The following EFNA5 variants were observed in gnomAD, a reference collection of about 807,000 sequenced individuals.
The protein encoded by EFNA5 is ephrin-A5.
Under a neutral mutation model 22.9 loss-of-function variants are expected in EFNA5, and 5 were observed. That is an observed-to-expected ratio of 0.22 (90% CI 0.11 to 0.46). The LOEUF is 0.46. Among genes scored for constraint, EFNA5 ranks in the 20% least tolerant of loss-of-function variants. The probability of loss-of-function intolerance (pLI) is 0.99; values close to 1 mark genes in which losing one functional copy is unlikely to be tolerated. For missense variants in EFNA5, 237 were observed against 293.3 expected, an observed-to-expected ratio of 0.81 and a Z score of 1.40; for synonymous variants, 113 against 112.2, an observed-to-expected ratio of 1.01 and a Z score of -0.04.
At chr5:107,429,842 A>G (rs552790700) in intron 1 of EFNA5, among the ~76,000 whole-genome samples, 16 of 152,378 alleles carry the variant, frequency 1.1e-4, no homozygotes, top group South Asian at 4.1e-4. Flanking sequence ...AACATACAAC[A>G]GAGATAAAAA....
intron 1 of EFNA5, among the ~76,000 whole-genome samples, chr5:107,655,997 A>G (rs1750813542): frequency 6.6e-6 from 1 of 152,166 alleles, no homozygotes; most frequent in Admixed American, 6.5e-5. Flanking sequence ...ATTCAGAAAA[A>G]TCCAAGGATC....
At chr5:107,419,199 C>T (rs569585144) in intron 2 of EFNA5, among the ~76,000 whole-genome samples, 1 of 152,304 alleles carries the variant, frequency 6.6e-6, no homozygotes, top group East Asian at 1.9e-4. Flanking sequence ...TTACAATTAA[C>T]AGAATAATTT....
At chr5:107,475,809 A>G (rs930916417) in intron 1 of EFNA5, among the ~76,000 whole-genome samples, 4 of 151,790 alleles carry the variant, frequency 2.6e-5, no homozygotes, top group East Asian at 2.0e-4. Flanking sequence ...ACCTGAGATG[A>G]CATGACTTCA....
intron 1 of EFNA5, among the ~76,000 whole-genome samples, chr5:107,535,881 A>G (rs1160970437): frequency 6.6e-6 from 1 of 152,212 alleles, no homozygotes; most frequent in Non-Finnish European, 1.5e-5. Flanking sequence ...TTTGTTTTAT[A>G]AATAGCCAGA....
intron 1 of EFNA5, among the ~76,000 whole-genome samples, chr5:107,548,288 T>C (rs1345145064): frequency 1.3e-5 from 2 of 152,184 alleles, no homozygotes; most frequent in East Asian, 3.8e-4. Flanking sequence ...CCAACATAAA[T>C]TTTATTAAAC....
intron 1 of EFNA5, among the ~76,000 whole-genome samples, chr5:107,633,044 T>C (rs1561455048): frequency 6.6e-6 from 1 of 152,204 alleles, no homozygotes; most frequent in Non-Finnish European, 1.5e-5. Flanking sequence ...TGCTTTCCAA[T>C]AAATGACACA....
At chr5:107,620,629 C>G (rs1750014240) in intron 1 of EFNA5, among the ~76,000 whole-genome samples, 1 of 152,024 alleles carries the variant, frequency 6.6e-6, no homozygotes, top group African/African-American at 2.4e-5. Flanking sequence ...CAATGTATTC[C>G]AAGAGTTAAT....
At chr5:107,405,848 A>G (rs1033181226) in intron 2 of EFNA5, among the ~76,000 whole-genome samples, 3 of 150,722 alleles carry the variant, frequency 2.0e-5, no homozygotes, top group Non-Finnish European at 3.0e-5. Flanking sequence ...CTATGTATTT[A>G]TATACATAGA....
chr5:107,566,527 T>G (rs906209833), intron 1 of EFNA5, among the ~76,000 whole-genome samples: 1 of 152,234 alleles, frequency 6.6e-6, no homozygotes, highest in East Asian at 1.9e-4. Flanking sequence ...AGCCATCATT[T>G]CCAATGCTTT....
chr5:107,465,768 G>C (rs1421400455), intron 1 of EFNA5, among the ~76,000 whole-genome samples: 1 of 152,006 alleles, frequency 6.6e-6, no homozygotes, highest in African/African-American at 2.4e-5. Context: ...CTGCCATGGT[G>C]TCTTAGTATA....
chr5:107,519,768 T>C (rs1212090840), intron 1 of EFNA5, among the ~76,000 whole-genome samples: 3 of 152,242 alleles, frequency 2.0e-5, no homozygotes, highest in Non-Finnish European at 4.4e-5. Context: ...TTTGAATATT[T>C]TTACTTTAAA....
At chr5:107,554,790 G>C (rs1032731715) in intron 1 of EFNA5, among the ~76,000 whole-genome samples, 2 of 152,136 alleles carry the variant, frequency 1.3e-5, no homozygotes, top group Non-Finnish European at 2.9e-5. Context: ...GGAAAACCGA[G>C]TCTTAAAAAG....
In EFNA5 at chr5:107,473,000, C is replaced by A. The variant is rs562262698; in HGVS notation, c.126-45491G>T. Among the ~76,000 whole-genome samples, 12 of 152,294 alleles carry A rather than the reference C, an allele frequency of 7.9e-5. No individual in the cohort carries two copies. In the East Asian group the frequency reaches 2.1e-3, roughly 27 times the overall value. On this transcript the variant is annotated intron_variant, in intron 1 of 4. Transcript: ENST00000333274. ...AATGGAGCCCCCAGTCTCCCTCCCCCCAGCACCTGCTTGAACTCTTCATTC... is the reference window on the plus strand; with the variant it reads ...AATGGAGCCCCCAGTCTCCCTCCCCACAGCACCTGCTTGAACTCTTCATTC...
intron 1 of EFNA5, among the ~76,000 whole-genome samples, chr5:107,531,560 G>C (rs998893129): frequency 6.6e-6 from 1 of 152,160 alleles, no homozygotes; most frequent in African/African-American, 2.4e-5. Context: ...TAGAGAACAG[G>C]AGGAGGACGA....
At position 107,409,367 on chromosome 5, in the gene EFNA5, T is replaced by C. The variant is rs749860373; in HGVS notation, c.418+17850A>G. Among the ~76,000 whole-genome samples, 6 of 152,132 alleles carry C rather than the reference T, an allele frequency of 3.9e-5. No homozygotes were observed. The South Asian group carries it at 6.2e-4, about 16-fold the overall frequency. ...CCCCAAACATTAAGCCTGTGAGAGA[T>C]TGGAAGGGTGTATGGGATGCAGCAG... On this transcript the variant is annotated intron_variant, in intron 2 of 4. Coordinates refer to ENST00000333274, the MANE Select transcript of EFNA5 (RefSeq NM_001962.3).
At chr5:107,453,411 T>A (rs917201687) in intron 1 of EFNA5, among the ~76,000 whole-genome samples, 8 of 152,196 alleles carry the variant, frequency 5.3e-5, no homozygotes, top group African/African-American at 1.9e-4. Context: ...CTTATGTATG[T>A]CATTCTGATT....
intron 1 of EFNA5, among the ~76,000 whole-genome samples, chr5:107,619,015 G>T (rs559921652): frequency 3.3e-5 from 5 of 151,734 alleles, no homozygotes; most frequent in African/African-American, 1.2e-4. Flanking sequence ...TCTGCCTCCC[G>T]GGTTCATGCC....
intron 1 of EFNA5, among the ~76,000 whole-genome samples, chr5:107,624,232 A>C (rs939100885): frequency 6.6e-6 from 1 of 152,132 alleles, no homozygotes; most frequent in Admixed American, 6.5e-5. Context: ...ATAATGACAA[A>C]AGTCAATGGC....
intron 1 of EFNA5, among the ~76,000 whole-genome samples, chr5:107,503,210 C>A (rs1000958994): frequency 6.6e-6 from 1 of 152,180 alleles, no homozygotes; most frequent in Non-Finnish European, 1.5e-5. Flanking sequence ...ATCAAAGCTT[C>A]CAGGATTGGT....
Sources: allele counts gnomAD v4.1 joint callset (sites outside exome capture counted in the v4.1 genomes callset), GRCh38; gene constraint gnomAD v4.1.1; transcripts MANE v1.5; gene names NCBI Gene and HGNC (gene_info 2026-07-23, HGNC 2026-07-21).